Variants in MGST1 observed in about 807,000 individuals in gnomAD.
MGST1 encodes the protein glutathione S-transferase 12.
A neutral mutation model predicts 8.9 loss-of-function variants in MGST1; 5 were observed. The observed-to-expected ratio is 0.56, with a 90% CI of 0.29 to 1.19. MGST1 has a LOEUF of 1.19. MGST1 is among the 50% of genes most tolerant of loss of function. MGST1 has a pLI of 0.08. For synonymous variants in MGST1, 54 were observed against 67.8 expected, an observed-to-expected ratio of 0.80 and a Z score of 1.00; for missense variants, 182 against 187.4, an observed-to-expected ratio of 0.97 and a Z score of 0.17.
At chr12:16,535,756 T>C (rs548874608) in intron 4 of MGST1, among the ~76,000 whole-genome samples, 4 of 152,252 alleles carry the variant, frequency 2.6e-5, no homozygotes, top group Admixed American at 6.5e-5. Context: ...ACCAAAAATA[T>C]GTGTCAAAAG....
At chr12:16,418,454 C>T (rs573006691) in intron 1 of MGST1, among the ~76,000 whole-genome samples, 11 of 152,258 alleles carry the variant, frequency 7.2e-5, no homozygotes, top group Non-Finnish European at 1.3e-4. Context: ...TCACATATAT[C>T]AGCAGAAGAT....
chr12:16,505,200 AG>A (rs1287314847), intron 4 of MGST1, among the ~76,000 whole-genome samples: 3 of 152,188 alleles, frequency 2.0e-5, no homozygotes, highest in Non-Finnish European at 4.4e-5. Flanking sequence ...GAGTTACCAC[AG>A]GTCCCTTTGA....
At chr12:16,529,378 T>G (rs1301182426) in intron 4 of MGST1, among the ~76,000 whole-genome samples, 1 of 152,078 alleles carries the variant, frequency 6.6e-6, no homozygotes, top group African/African-American at 2.4e-5. Flanking sequence ...TGCCTTCTCT[T>G]TAATCACACG....
intron 4 of MGST1, among the ~76,000 whole-genome samples, chr12:16,450,002 G>T (rs1303066862): frequency 6.6e-6 from 1 of 151,876 alleles, no homozygotes; most frequent in East Asian, 1.9e-4. Flanking sequence ...TAACAGTAAT[G>T]CAGTCAAGAG....
In MGST1 at chr12:16,463,983, T is replaced by C. The variant is rs151238553; in HGVS notation, n.482+80379T>C. ...CATTATCTTTGGAGGCCACAGGGCA[T>C]GGTTGTTAAGAAGCATATTTGGACT... On this transcript the variant is annotated intron_variant and non_coding_transcript_variant, in intron 4 of 4. Coordinates refer to the MGST1 transcript ENST00000538857. Among the ~76,000 whole-genome samples, 4 of 152,330 alleles carry C rather than the reference T, an allele frequency of 2.6e-5. No individual in the cohort carries two copies. In the East Asian group the frequency reaches 7.7e-4, roughly 29 times the overall value.
intron 1 of MGST1, among the ~76,000 whole-genome samples, chr12:16,432,884 A>G (rs1940951632): frequency 6.6e-6 from 1 of 152,036 alleles, no homozygotes; most frequent in African/African-American, 2.4e-5. Context: ...GCAAGTGGGA[A>G]TTTCAGGACA....
Position 16,357,709 on chromosome 12 carries a change from T to C in MGST1, c.221+10T>C. The C allele has an allele frequency of 6.2e-7, 1 of 1,605,456 alleles. No homozygotes were observed. The highest frequency in any genetic ancestry group is 8.5e-7 in the Non-Finnish European group (1 of 1,175,620). ...TAGAACGTGTACGCAGGTAAACCAGTGTCTCTTGAAATTACTTACTTTATG... is the reference window on the plus strand; with the variant it reads ...TAGAACGTGTACGCAGGTAAACCAGCGTCTCTTGAAATTACTTACTTTATG... On this transcript the variant is annotated intron_variant, in intron 3 of 3. Transcript: ENST00000396210.
chr12:16,592,581 T>TA, downstream of MGST1, among the ~76,000 whole-genome samples: 1 of 152,064 alleles, frequency 6.6e-6, no homozygotes, highest in East Asian at 1.9e-4. Context: ...CCCTTACTCC[T>TA]ACCCACCCAG....
exon 4 of MGST1, chr12:16,376,250 A>G (rs1009952677): frequency 1.6e-6 from 1 of 627,674 alleles, no homozygotes; most frequent in South Asian, 2.0e-5. Context: ...GAAAAAATTT[A>G]TCTTTTCAAC....
intron 1 of MGST1, among the ~76,000 whole-genome samples, chr12:16,395,694 T>C (rs1413795785): frequency 1.3e-5 from 2 of 151,078 alleles, no homozygotes; most frequent in Admixed American, 1.3e-4. Context: ...CCCGAGTTAC[T>C]TCACTTAGAA....
At chr12:16,498,045 T>G (rs947459819) in intron 4 of MGST1, among the ~76,000 whole-genome samples, 1 of 152,184 alleles carries the variant, frequency 6.6e-6, no homozygotes, top group African/African-American at 2.4e-5. Context: ...AGAAGCACTA[T>G]GATATGACCC....
intron 3 of MGST1, among the ~76,000 whole-genome samples, chr12:16,375,388 T>C (rs966761050): frequency 6.6e-6 from 1 of 152,088 alleles, no homozygotes; most frequent in African/African-American, 2.4e-5. Context: ...TCCTAAACAT[T>C]GAAAGTAAAA....
intron 1 of MGST1, among the ~76,000 whole-genome samples, chr12:16,385,904 T>A (rs1940500469): frequency 6.6e-6 from 1 of 152,162 alleles, no homozygotes; most frequent in Admixed American, 6.5e-5. Context: ...GACAGCCAAC[T>A]AGAGAGTATT....
rs892733528 is a variant in MGST1, at chr12:16,544,649, A to G, written n.483-44879A>G. The stretch of plus-strand genomic sequence containing the variant: ...TATCTAACAGGAAATTTGACTACAT[A>G]GGTTCAAGTCCTTATTTCTGAGGGG... On this transcript the variant is annotated intron_variant and non_coding_transcript_variant, in intron 4 of 4. Coordinates refer to the MGST1 transcript ENST00000538857. This position sits in a 1 kb window ranked among gnomAD's most constrained non-coding sequence, Gnocchi z 4.8. 2.0e-5 allele frequency among the ~76,000 whole-genome samples: 3 copies of G among 152,134 alleles called. No homozygotes were observed. The highest frequency in any genetic ancestry group is 4.4e-5 in the Non-Finnish European group (3 of 67,974).
intron 3 of MGST1, among the ~76,000 whole-genome samples, chr12:16,359,469 C>G (rs1436046218): frequency 6.6e-6 from 1 of 152,138 alleles, no homozygotes; most frequent in Non-Finnish European, 1.5e-5. Context: ...AATTCAGCAG[C>G]CCTGCTGAGT....
rs1416056697 is a variant in MGST1, at chr12:16,389,359, A to G, written n.778+5755A>G. On this transcript the variant is annotated intron_variant and non_coding_transcript_variant, in intron 1 of 1. Transcript: ENST00000359720. This position sits in a 1 kb window ranked among gnomAD's most constrained non-coding sequence, Gnocchi z 4.6. ...AAAATAATGTTGAGAATAGTGGTTA[A>G]GTGTCCTGTTTTGCTTATAGAAGAC... 6.6e-6 allele frequency among the ~76,000 whole-genome samples: 1 copy of G among 152,238 alleles called. No individual in the cohort carries two copies. Among genetic ancestry groups the G allele is most frequent in the Non-Finnish European group, 1.5e-5 (1 of 68,046 alleles).
At chr12:16,553,632 A>G (rs1487724214) in intron 4 of MGST1, among the ~76,000 whole-genome samples, 3 of 152,174 alleles carry the variant, frequency 2.0e-5, no homozygotes, top group African/African-American at 4.8e-5. Context: ...ACACTTGCAC[A>G]TATGACTCAA....
chr12:16,371,748 C>T (rs1940297675), intron 3 of MGST1, among the ~76,000 whole-genome samples: 1 of 151,916 alleles, frequency 6.6e-6, no homozygotes. Context: ...ATTTGTTTTC[C>T]TTCCTGTTTT....
chr12:16,358,672 T>C (rs952749322), intron 3 of MGST1, among the ~76,000 whole-genome samples: 1 of 151,982 alleles, frequency 6.6e-6, no homozygotes, highest in Non-Finnish European at 1.5e-5. Flanking sequence ...TTCACCATGT[T>C]GGCCAGGTTG....
Sources: allele counts gnomAD v4.1 joint callset (sites outside exome capture counted in the v4.1 genomes callset), GRCh38; gene constraint gnomAD v4.1.1; non-coding constraint Gnocchi (gnomAD v3.1); transcripts MANE v1.5; gene names NCBI Gene and HGNC (gene_info 2026-07-23, HGNC 2026-07-21).